CADM3: variants seen among roughly 807,000 people sequenced by gnomAD.
CADM3 encodes the protein TSLC1-like 1.
CADM3 carries 11 observed loss-of-function variants against 44.9 expected under a neutral mutation model. The observed-to-expected ratio is 0.25, with a 90% CI of 0.15 to 0.41. CADM3 has a LOEUF of 0.41. CADM3 is among the 10% of genes least tolerant of loss of function. The pLI is 1.00. For synonymous variants in CADM3, 207 were observed against 205.2 expected (o/e 1.01, Z -0.08); for missense variants, 426 against 512.0 (o/e 0.83, Z 1.62).
intron 1 of CADM3, among the ~76,000 whole-genome samples, chr1:159,181,572 T>C (rs1312772239): frequency 6.6e-6 from 1 of 152,130 alleles, no homozygotes; most frequent in Non-Finnish European, 1.5e-5. Context: ...GGCAGAACAC[T>C]AGATGCTTGT....
intron 7 of CADM3, among the ~76,000 whole-genome samples, chr1:159,199,199 G>A (rs1464341404): frequency 1.3e-5 from 2 of 152,016 alleles, no homozygotes; most frequent in Admixed American, 1.3e-4. Context: ...AGGCTGAGAA[G>A]GCCCTTAGAG....
chr1:159,185,936 A>T (rs111557538), intron 1 of CADM3, among the ~76,000 whole-genome samples: 1 of 152,228 alleles, frequency 6.6e-6, no homozygotes, highest in African/African-American at 2.4e-5. Context: ...CTTGCAGTAC[A>T]AAGTAGAAAG....
In CADM3 at chr1:159,199,406, A is replaced by G. The variant is rs562484277; in HGVS notation, c.953-345A>G. Among the ~76,000 whole-genome samples the G allele has an allele frequency of 5.8e-3, 868 of 149,400 alleles. 6 individuals are homozygous for G. The highest frequency in any genetic ancestry group is 0.032 in the South Asian group (146 of 4,564). ...AAAAGAAGAGGCGGAGGGAGGGAGGAAGGAAGGAAGGAAGGAAGGAAGAAA... is the reference window on the plus strand; with the variant it reads ...AAAAGAAGAGGCGGAGGGAGGGAGGGAGGAAGGAAGGAAGGAAGGAAGAAA... On this transcript the variant is annotated intron_variant, in intron 7 of 8. Transcript: ENST00000368125.
chr1:159,184,480 C>CT (rs1031297542), intron 1 of CADM3, among the ~76,000 whole-genome samples: 1 of 151,470 alleles, frequency 6.6e-6, no homozygotes, highest in Admixed American at 6.6e-5. Context: ...ACTCAGGGAG[C>CT]TTTTTTTTTC....
intron 1 of CADM3, among the ~76,000 whole-genome samples, chr1:159,183,399 A>C (rs1379515549): frequency 6.6e-6 from 1 of 152,176 alleles, no homozygotes; most frequent in South Asian, 2.1e-4. Flanking sequence ...GATAAACAAG[A>C]CTATAGGAGG....
chr1:159,189,961 G>A lies in CADM3; in HGVS notation c.89-1975G>A. On this transcript the variant is annotated intron_variant, in intron 1 of 8. Coordinates refer to ENST00000368125, the MANE Select transcript of CADM3 (RefSeq NM_001127173.3). Reference sequence around the variant, plus strand: ...CCCACTCATGTTGCCTTCACCACATGTTCTCACTCCTCTCATTACCACACA... The same window carrying A: ...CCCACTCATGTTGCCTTCACCACATATTCTCACTCCTCTCATTACCACACA... The A allele has an allele frequency of 4.7e-6, 4 of 857,894 alleles. No individual in the cohort carries two copies. In the South Asian group the frequency reaches 6.3e-5, roughly 14 times the overall value. 53.1% of individuals were successfully genotyped at this position (857,894 alleles called of 1,614,324 possible). A position where few individuals can be genotyped will look rare whatever the true frequency, so the allele number is the denominator to read the frequency against.
chr1:159,183,370 G>C (rs949406527), intron 1 of CADM3, among the ~76,000 whole-genome samples: 3 of 152,148 alleles, frequency 2.0e-5, no homozygotes, highest in African/African-American at 7.2e-5. Context: ...GGACAGAGTA[G>C]TTTATCAAGA....
At chr1:159,174,040 G>C (rs1343490969) in intron 1 of CADM3, among the ~76,000 whole-genome samples, 1 of 152,206 alleles carries the variant, frequency 6.6e-6, no homozygotes, top group Admixed American at 6.5e-5. Context: ...AGTAACTTCT[G>C]AATGGGGAAT....
chr1:159,182,057 G>GACACACACACACAC (rs376492660), intron 1 of CADM3, among the ~76,000 whole-genome samples: 4 of 143,992 alleles, frequency 2.8e-5, no homozygotes, highest in African/African-American at 1.0e-4. Context: ...CACACAGACA[G>GACACACACACACAC]ACACACACAC....
intron 1 of CADM3, among the ~76,000 whole-genome samples, chr1:159,182,641 GA>G (rs1649277174): frequency 6.6e-6 from 1 of 152,040 alleles, no homozygotes; most frequent in Non-Finnish European, 1.5e-5. Context: ...GCAACAGAAA[GA>G]AAAAAGGAAT....
chr1:159,192,455 C>T, intron 2 of CADM3, 123 bp from the exon 3 acceptor site: 1 of 1,057,424 alleles, frequency 9.5e-7, no homozygotes. Context: ...AACTCAGGAG[C>T]AGTTATTTTT....
At chr1:159,172,069 G>C (rs1484004853) in intron 1 of CADM3, among the ~76,000 whole-genome samples, 1 of 152,200 alleles carries the variant, frequency 6.6e-6, no homozygotes, top group African/African-American at 2.4e-5. Context: ...ACACCACTGA[G>C]CGTGTGTCTG....
Position 159,178,031 on chromosome 1 carries a change from C to T in CADM3, c.88+6178C>T, listed in dbSNP as rs181572650. On this transcript the variant is annotated intron_variant, in intron 1 of 8. Transcript: ENST00000368125. ...CAAATGGAGTGGCATTTGCATATAA[C>T]CTATGCACATTCTCCTGTATACTTC... 3.0e-3 allele frequency among the ~76,000 whole-genome samples: 457 copies of T among 152,240 alleles called. 1 individual carries two copies. The highest frequency in any genetic ancestry group is 5.0e-3 in the Non-Finnish European group (342 of 68,022).
intron 2 of CADM3, 64 bp downstream of exon 2, chr1:159,192,140 C>A: frequency 6.5e-7 from 1 of 1,535,918 alleles, no homozygotes; most frequent in Non-Finnish European, 8.9e-7. Context: ...ACTGCAGACA[C>A]CGAGGGGAAC....
intron 7 of CADM3, among the ~76,000 whole-genome samples, chr1:159,199,277 A>T (rs968303023): frequency 1.4e-4 from 21 of 151,806 alleles, no homozygotes; most frequent in Non-Finnish European, 2.6e-4. Flanking sequence ...GAGAAGGAAC[A>T]CTCTGATAAC....
chr1:159,189,627 G>T (rs963506120), intron 1 of CADM3: 5 of 635,496 alleles, frequency 7.9e-6, no homozygotes, highest in Admixed American at 3.2e-5. Flanking sequence ...CCCTTGGTAA[G>T]AACCCTACCT....
At chr1:159,200,017 G>A in intron 8 of CADM3, 141 bp downstream of exon 8, 1 of 1,116,960 alleles carries the variant, frequency 9.0e-7, no homozygotes, top group Admixed American at 2.1e-5. Flanking sequence ...ATTAAAAATG[G>A]AGCCAACCCT....
intron 5 of CADM3, chr1:159,194,680 C>T (rs1649818682): frequency 6.6e-6 from 1 of 152,232 alleles, no homozygotes; most frequent in African/African-American, 2.4e-5. Context: ...CAGATCTTTT[C>T]CTTACTGACT....
chr1:159,189,917 A>C, intron 1 of CADM3: 1 of 1,311,470 alleles, frequency 7.6e-7, no homozygotes, highest in African/African-American at 1.5e-5. Context: ...CAGTTCCCTC[A>C]CTCATCCTCA....
Sources: gnomAD v4.1 joint callset for allele counts (sites outside exome capture counted in the v4.1 genomes callset) on GRCh38, gnomAD v4.1.1 for gene constraint, MANE v1.5 for transcripts, NCBI Gene and HGNC (gene_info 2026-07-23, HGNC 2026-07-21) for gene names.